ACOXL: variants seen among roughly 807,000 people sequenced by gnomAD.
ACOXL encodes acyl-coenzyme A oxidase-like protein.
In ACOXL, 70 loss-of-function variants were observed where a neutral mutation model predicts 71.9. The ratio of observed to expected loss-of-function variants is 0.97; its 90% confidence interval spans 0.80 to 1.19. The LOEUF (loss-of-function observed/expected upper bound fraction) is 1.19. ACOXL is among the 50% of genes most tolerant of loss of function. The pLI is 0.00. For missense variants in ACOXL, 703 were observed against 736.3 expected (o/e 0.95, Z 0.52); for synonymous variants, 253 against 281.6 (o/e 0.90, Z 1.02).
intron 12 of ACOXL, among the ~76,000 whole-genome samples, chr2:110,981,864 T>A (rs1574374697): frequency 1.3e-5 from 2 of 152,152 alleles, no homozygotes; most frequent in Admixed American, 1.3e-4. Context: ...TTTTTAATGT[T>A]CCCTATACTC....
At chr2:110,818,420 T>C in intron 9 of ACOXL, among the ~76,000 whole-genome samples, 1 of 140,616 alleles carries the variant, frequency 7.1e-6, no homozygotes, top group Non-Finnish European at 1.5e-5. Context: ...CATATATATA[T>C]ATATGTGTGT....
intron 10 of ACOXL, among the ~76,000 whole-genome samples, chr2:110,908,204 T>A (rs17545286): frequency 6.6e-6 from 1 of 152,096 alleles, no homozygotes; most frequent in Non-Finnish European, 1.5e-5. Context: ...GGAAAGCCTT[T>A]GTTCACCTGA....
chr2:110,734,880 T>C (rs1676641876), intron 1 of ACOXL, among the ~76,000 whole-genome samples: 1 of 18,438 alleles, frequency 5.4e-5, no homozygotes, highest in African/African-American at 2.4e-4. Context: ...GGATTTTTTT[T>C]TCCCCCTTAT....
At chr2:111,010,005 T>A (rs1309032225) in intron 14 of ACOXL, among the ~76,000 whole-genome samples, 4 of 152,100 alleles carry the variant, frequency 2.6e-5, no homozygotes, top group African/African-American at 9.7e-5. Context: ...TCAATACCCT[T>A]TAGAGGAAGT....
At chr2:110,875,042 C>A (rs1245439905) in intron 10 of ACOXL, among the ~76,000 whole-genome samples, 2 of 152,166 alleles carry the variant, frequency 1.3e-5, no homozygotes, top group East Asian at 3.9e-4. Flanking sequence ...AGCACTGACA[C>A]TAGCTTGCCA....
chr2:111,030,815 T>C (rs1045121708), intron 14 of ACOXL, among the ~76,000 whole-genome samples: 1 of 152,222 alleles, frequency 6.6e-6, no homozygotes, highest in Non-Finnish European at 1.5e-5. Context: ...AAGAAAAGTT[T>C]TACGGGCCAC....
chr2:111,114,056 C>A (rs920424565), intron 17 of ACOXL: 1 of 152,642 alleles, frequency 6.6e-6, no homozygotes, highest in Non-Finnish European at 1.5e-5. Flanking sequence ...TTAAAAATTT[C>A]TATTTCTGTG....
intron 13 of ACOXL, among the ~76,000 whole-genome samples, chr2:110,988,857 T>TTGTGTGTGTGTG (rs70958753): frequency 0.011 from 1,539 of 143,462 alleles, 15 homozygotes; most frequent in East Asian, 0.073. Context: ...CCTATTTTTA[T>TTGTGTGTGTGTG]TGTGTGTGTG....
intron 1 of ACOXL, among the ~76,000 whole-genome samples, chr2:110,749,256 G>T (rs532411404): frequency 1.3e-5 from 2 of 152,096 alleles, no homozygotes; most frequent in Admixed American, 6.5e-5. Flanking sequence ...ATGCACAAAG[G>T]TCATTTTGTT....
intron 10 of ACOXL, among the ~76,000 whole-genome samples, chr2:110,860,175 A>G (rs1294846864): frequency 6.6e-6 from 1 of 152,144 alleles, no homozygotes; most frequent in Non-Finnish European, 1.5e-5. Flanking sequence ...CAATGGTGCC[A>G]TCTCAGCTCA....
At chr2:110,871,135 A>G (rs773538982) in intron 10 of ACOXL, among the ~76,000 whole-genome samples, 12 of 152,170 alleles carry the variant, frequency 7.9e-5, no homozygotes, top group Non-Finnish European at 1.5e-4. Context: ...ACTTTACGGG[A>G]TGTCATTTGA....
intron 2 of ACOXL, among the ~76,000 whole-genome samples, chr2:110,774,982 G>A (rs984647376): frequency 6.6e-6 from 1 of 152,196 alleles, no homozygotes; most frequent in Non-Finnish European, 1.5e-5. Context: ...AGAGACCAAT[G>A]GAATGGAATA....
chr2:111,037,161 C>G (rs1439026166), intron 15 of ACOXL, among the ~76,000 whole-genome samples: 1 of 152,138 alleles, frequency 6.6e-6, no homozygotes, highest in Non-Finnish European at 1.5e-5. Flanking sequence ...GGGTTCCCTC[C>G]CCAAGCTTCT....
At chr2:111,081,256 G>C (rs909306179) in intron 16 of ACOXL, among the ~76,000 whole-genome samples, 1 of 152,156 alleles carries the variant, frequency 6.6e-6, no homozygotes, top group South Asian at 2.1e-4. Context: ...TGACATGATT[G>C]TATATTTAGA....
intron 17 of ACOXL, among the ~76,000 whole-genome samples, chr2:111,102,784 G>A (rs1291433298): frequency 6.6e-6 from 1 of 152,154 alleles, no homozygotes; most frequent in Non-Finnish European, 1.5e-5. Context: ...AATGACCCCA[G>A]TATATCCATT....
chr2:111,010,595 C>G (rs2064103966), intron 14 of ACOXL, among the ~76,000 whole-genome samples: 2 of 151,958 alleles, frequency 1.3e-5, no homozygotes, highest in African/African-American at 4.8e-5. Context: ...ATTCAAGATT[C>G]TAGCAGGAGA....
At position 110,794,009 on chromosome 2, in the gene ACOXL, C is replaced by T. The variant is rs79916442; in HGVS notation, c.247-67C>T. The stretch of plus-strand genomic sequence containing the variant: ...TCTCTCACCACCATTCTTAATGGTC[C>T]GAGGGGTCTGCATTTGGAGCAACTG... On this transcript the variant is annotated intron_variant, in intron 4 of 17. Coordinates refer to ENST00000439055, the MANE Select transcript of ACOXL (RefSeq NM_001142807.4). 1.5e-3 allele frequency: 2,199 copies of T among 1,498,478 alleles called. 40 individuals are homozygous for T. The African/African-American group carries it at 0.027, about 18-fold the overall frequency. 92.8% of individuals were successfully genotyped at this position (1,498,478 alleles called of 1,614,324 possible). A position where few individuals can be genotyped will look rare whatever the true frequency, so the allele number is the denominator to read the frequency against.
intron 9 of ACOXL, among the ~76,000 whole-genome samples, chr2:110,832,110 G>T (rs1332999445): frequency 6.6e-6 from 1 of 152,162 alleles, no homozygotes; most frequent in Non-Finnish European, 1.5e-5. Flanking sequence ...TGCGGCTTCA[G>T]TGAGTTATGA....
intron 12 of ACOXL, among the ~76,000 whole-genome samples, chr2:110,953,109 T>G (rs938843868): frequency 3.3e-5 from 5 of 152,174 alleles, no homozygotes; most frequent in Non-Finnish European, 7.4e-5. Context: ...ATTCTCACAA[T>G]GGCCCTATAG....
Sources: allele counts gnomAD v4.1 joint callset (sites outside exome capture counted in the v4.1 genomes callset), GRCh38; gene constraint gnomAD v4.1.1; transcripts MANE v1.5; gene names NCBI Gene and HGNC (gene_info 2026-07-23, HGNC 2026-07-21).